Variants in KLHL9 observed in about 807,000 individuals in gnomAD.
KLHL9 encodes kelch-like protein 9.
KLHL9 carries 27 observed loss-of-function variants against 42.3 expected under a neutral mutation model. The observed-to-expected ratio is 0.64, with a 90% confidence interval of 0.47 to 0.88. The LOEUF is 0.88. KLHL9 is among the 40% of genes least tolerant of loss of function. KLHL9 has a pLI of 0.00. For missense variants in KLHL9, 629 were observed against 750.3 expected (o/e 0.84, Z 1.89); for synonymous variants, 274 against 254.4 (o/e 1.08, Z -0.73).
rs10642262 is a variant in KLHL9 at position 21,331,494 on chromosome 9, T to TTGTG, written c.*1508_*1511dup. The TTGTG allele has an allele frequency of 4.2e-4, 64 of 150,860 alleles. No individual in the cohort carries two copies. The highest frequency in any genetic ancestry group is 2.7e-3 in the East Asian group (14 of 5,096). 9.3% of individuals were successfully genotyped at this position (150,860 alleles called of 1,614,324 possible). On this transcript the variant is annotated 3_prime_UTR_variant, in exon 1 of 1. Coordinates refer to ENST00000359039, the MANE Select transcript of KLHL9 (RefSeq NM_018847.4). Reference sequence around the variant, plus strand: ...CTGACAATCTTCCAGGTATAGGGGGTTGTGTGTGTGTATTACACACACACA... The same window carrying TTGTG: ...CTGACAATCTTCCAGGTATAGGGGGTTGTGTGTGTGTGTGTATTACACACACACA...
In KLHL9 at chr9:21,335,018, T is replaced by C. The variant is rs779259574; in HGVS notation, c.-159A>G. 5 of 984,708 alleles carry C rather than the reference T, an allele frequency of 5.1e-6. No individual in the cohort carries two copies. In the East Asian group the frequency reaches 1.3e-4, roughly 26 times the overall value. 61.0% of individuals were successfully genotyped at this position (984,708 alleles called of 1,614,324 possible). A position where few individuals can be genotyped will look rare whatever the true frequency, so the allele number is the denominator to read the frequency against. ...CCCCTCGGGCCACGCCAGTCAGTCA[T>C]CCACTGAAAATCACCCTGTAGCAGG... On this transcript the variant is annotated 5_prime_UTR_variant, in exon 1 of 1. The change abolishes an upstream ATG in the 5' untranslated region. Transcript: ENST00000359039.
In KLHL9 at chr9:21,333,218, A is replaced by T. The variant is rs1820205452; in HGVS notation, c.1642T>A (p.Tyr548Asn). 6.2e-7 allele frequency: 1 copy of T among 1,613,580 alleles called. No individual in the cohort carries two copies. Among genetic ancestry groups the T allele is most frequent in the Non-Finnish European group, 8.5e-7 (1 of 1,179,624 alleles). The stretch of plus-strand genomic sequence containing the variant: ...TTCCAAGAATATCCACCAACAACAT[A>T]GATTTTATTTTCAAAGACGGCAACT... ...VGVAVFENKI[Y>N]VVGGYSWNNR... Residue 548 changes from tyrosine to asparagine, a missense_variant, in exon 1 of 1, where the codon TAT (tyrosine) becomes AAT (asparagine). Physicochemically the swap from Tyr to Asn is moderately radical, Grantham distance 143 (BLOSUM62 -2). This residue lies in a region of KLHL9 where 214 missense variants were observed against 305.8 expected (regional missense o/e 0.70). Transcript: ENST00000359039. This position sits in a 1 kb window ranked among gnomAD's most constrained non-coding sequence, Gnocchi z 7.5.
Position 21,333,084 on chromosome 9 carries a change from G to A in KLHL9, c.1776C>T (p.Leu592=). Residue 592 remains leucine (L), a synonymous_variant, in exon 1 of 1, where the codon CTC becomes CTT. Transcript: ENST00000359039. The surrounding 1 kb of genome is among the most constrained non-coding windows in gnomAD (Gnocchi z 7.5). ...GGTTTTCTTCAGGTGGAAAAACTGT[G>A]AGTGTACAGGCTCGAATGCCACCAA... The part of the protein sequence containing the change: ...ESLGGIRACT[L]TVFPPEENPG... The A allele has an allele frequency of 6.2e-7, 1 of 1,614,172 alleles. No homozygotes were observed. Among genetic ancestry groups the A allele is most frequent in the South Asian group, 1.1e-5 (1 of 91,078 alleles).
In KLHL9 at chr9:21,333,680, A is replaced by G. The variant is rs779305744; in HGVS notation, c.1180T>C (p.Leu394=). Residue 394 remains leucine (L), a synonymous_variant, in exon 1 of 1, where the codon TTG becomes CTG. Transcript: ENST00000359039. The surrounding 1 kb of genome is among the most constrained non-coding windows in gnomAD (Gnocchi z 7.5). ...TACAAATGTCCTTTGAGGGCACTCA[A>G]GTGAAAGAATGTGCGCTTTTCATTT... ...SLNEKRTFFH[L]SALKGHLYAV... The G allele has an allele frequency of 1.2e-6, 2 of 1,614,230 alleles. No individual in the cohort carries two copies. Among genetic ancestry groups the G allele is most frequent in the Non-Finnish European group, 1.7e-6 (2 of 1,180,052 alleles).
chr9:21,334,951 G>C lies in KLHL9; in HGVS notation c.-92C>G. ...GGTAACGAGGTGTCCAGAAAGAACA[G>C]AAAGCTCGTTTCCTTATCAAGGGAA... On this transcript the variant is annotated 5_prime_UTR_variant, in exon 1 of 1. Coordinates refer to ENST00000359039, the MANE Select transcript of KLHL9 (RefSeq NM_018847.4). The surrounding 1 kb of genome is among the most constrained non-coding windows in gnomAD (Gnocchi z 5.1). 6.4e-7 allele frequency: 1 copy of C among 1,554,792 alleles called. No homozygotes were observed. The highest frequency in any genetic ancestry group is 2.3e-5 in the East Asian group (1 of 43,482).
rs752631175 is a variant in KLHL9 at position 21,333,219 on chromosome 9, GATTTT to G, written c.1636_1640del (p.Lys546LeufsTer10). On this transcript the variant is annotated frameshift_variant, in exon 1 of 1. Transcript: ENST00000359039. LOFTEE classifies it high-confidence loss of function. The surrounding 1 kb of genome is among the most constrained non-coding windows in gnomAD (Gnocchi z 7.5). ...TCCAAGAATATCCACCAACAACATA[GATTTT>G]ATTTTCAAAGACGGCAACTCCAACA... 1 of 1,613,660 alleles carries G rather than the reference GATTTT, an allele frequency of 6.2e-7. No individual in the cohort carries two copies. Among genetic ancestry groups the G allele is most frequent in the East Asian group, 2.2e-5 (1 of 44,878 alleles).
chr9:21,333,361 C>G lies in KLHL9; in HGVS notation c.1499G>C (p.Gly500Ala), dbSNP rs1820208358. Residue 500 changes from glycine (G) to alanine (A), a missense_variant, in exon 1 of 1, where the codon GGC (glycine) becomes GCC (alanine). Coordinates refer to ENST00000359039, the MANE Select transcript of KLHL9 (RefSeq NM_018847.4). The surrounding 1 kb of genome is among the most constrained non-coding windows in gnomAD (Gnocchi z 7.5). Reference protein sequence around the residue: ...TVGDKLYVIGGNHFRGTSDYD... With the variant: ...TVGDKLYVIGANHFRGTSDYD... The stretch of plus-strand genomic sequence containing the variant: ...ATCACTTGTTCCTCTGAAGTGATTG[C>G]CACCAATGACATAGAGCTTATCTCC... 2 of 1,614,174 alleles carry G rather than the reference C, an allele frequency of 1.2e-6. No individual in the cohort carries two copies. The highest frequency in any genetic ancestry group is 1.7e-6 in the Non-Finnish European group (2 of 1,180,030).
rs1056172036 is a variant in KLHL9 at position 21,335,334 on chromosome 9, T to TTGGGCC, written c.-481_-476dup. ...CGGGAACACAGGCCTGGGCCTGGGC[T>TTGGGCC]TGGGCCTAGAATACCGGCCTAGCCC... On this transcript the variant is annotated 5_prime_UTR_variant, in exon 1 of 1. Transcript: ENST00000359039. The TTGGGCC allele has an allele frequency of 1.0e-5, 4 of 399,036 alleles. No individual in the cohort carries two copies. Among genetic ancestry groups the TTGGGCC allele is most frequent in the East Asian group, 3.5e-5 (1 of 28,610 alleles). The allele number at this position is 399,036 out of a possible 1,614,324, so 24.7% of individuals were successfully genotyped here.
In KLHL9 at chr9:21,335,076, A is replaced by C. The variant is rs1820245838; in HGVS notation, c.-217T>G. 3.3e-6 allele frequency: 2 copies of C among 608,586 alleles called. No individual in the cohort carries two copies. Among genetic ancestry groups the C allele is most frequent in the Admixed American group, 6.5e-5 (2 of 30,574 alleles). 37.7% of individuals were successfully genotyped at this position (608,586 alleles called of 1,614,324 possible). ...AGGGCTGTGGACCTCAAATCTGATT[A>C]TTAGACAGATGATTCATCACCTGAA... On this transcript the variant is annotated 5_prime_UTR_variant, in exon 1 of 1. Coordinates refer to ENST00000359039, the MANE Select transcript of KLHL9 (RefSeq NM_018847.4).
chr9:21,332,960 G>A lies in KLHL9; in HGVS notation c.*46C>T, dbSNP rs766902481. The A allele has an allele frequency of 2.5e-6, 4 of 1,612,942 alleles. No individual in the cohort carries two copies. In the African/African-American group the frequency reaches 5.3e-5, roughly 22 times the overall value. On this transcript the variant is annotated 3_prime_UTR_variant, in exon 1 of 1. Coordinates refer to ENST00000359039, the MANE Select transcript of KLHL9 (RefSeq NM_018847.4). ...GTAAGAAGATACAACTGAAGGGGAA[G>A]TATTAGATCACCCATGACGTACTGC...
Position 21,333,906 on chromosome 9 carries a change from C to A in KLHL9, c.954G>T (p.Arg318=). 6.2e-7 allele frequency: 1 copy of A among 1,614,104 alleles called. No individual in the cohort carries two copies. Among genetic ancestry groups the A allele is most frequent in the Non-Finnish European group, 8.5e-7 (1 of 1,180,052 alleles). ...ATTCTTGTGCCCTTTCATCATACAT[C>A]CGTAATTCTTTACTGACAACCAGCT... ...RQQLVVSKEL[R]MYDERAQEWR... The change falls in exon 1 of 1, where the codon CGG becomes CGT. Residue 318 remains arginine (R), a synonymous_variant. Coordinates refer to ENST00000359039, the MANE Select transcript of KLHL9 (RefSeq NM_018847.4). The surrounding 1 kb of genome is among the most constrained non-coding windows in gnomAD (Gnocchi z 7.5).
In KLHL9 at chr9:21,332,957, G is replaced by A. The variant is rs114075268; in HGVS notation, c.*49C>T. 1 of 1,612,482 alleles carries A rather than the reference G, an allele frequency of 6.2e-7. No homozygotes were observed. Among genetic ancestry groups the A allele is most frequent in the East Asian group, 2.2e-5 (1 of 44,848 alleles). The stretch of plus-strand genomic sequence containing the variant: ...ACTGTAAGAAGATACAACTGAAGGG[G>A]AAGTATTAGATCACCCATGACGTAC... On this transcript the variant is annotated 3_prime_UTR_variant, in exon 1 of 1. Transcript: ENST00000359039.
Position 21,334,102 on chromosome 9 carries a change from T to G in KLHL9, c.758A>C (p.Tyr253Ser). 1 of 1,614,160 alleles carries G rather than the reference T, an allele frequency of 6.2e-7. No individual in the cohort carries two copies. Among genetic ancestry groups the G allele is most frequent in the Non-Finnish European group, 8.5e-7 (1 of 1,179,988 alleles). ...TCTCATGAAATCTACTGTCTGCACG[T>G]AATTGATGAGATCCTGTGGTGTCAT... ...PLMTPQDLIN[Y>S]VQTVDFMRTD... Residue 253 changes from tyrosine (Y) to serine (S), a missense_variant, in exon 1 of 1, where the codon TAC (tyrosine) becomes TCC (serine). Tyr to Ser is a moderately radical substitution (Grantham distance 144). Coordinates refer to ENST00000359039, the MANE Select transcript of KLHL9 (RefSeq NM_018847.4). This position sits in a 1 kb window ranked among gnomAD's most constrained non-coding sequence, Gnocchi z 5.1.
In KLHL9 at chr9:21,334,569, C is replaced by T. The variant is rs761517074; in HGVS notation, c.291G>A (p.Gly97=). 6 of 1,614,114 alleles carry T rather than the reference C, an allele frequency of 3.7e-6. No homozygotes were observed. Among genetic ancestry groups the T allele is most frequent in the Middle Eastern group, 1.6e-4 (1 of 6,062 alleles). ...EQDLMCIKLH[G]VNKVGLKKII... ...TTTTCTTCAGACCAACCTTGTTCAC[C>T]CCATGAAGCTTAATGCACATCAAAT... is the stretch of plus-strand genomic sequence containing the variant. Residue 97 remains glycine (G), a synonymous_variant, in exon 1 of 1, where the codon GGG becomes GGA. Coordinates refer to ENST00000359039, the MANE Select transcript of KLHL9 (RefSeq NM_018847.4). This position sits in a 1 kb window ranked among gnomAD's most constrained non-coding sequence, Gnocchi z 5.1.
chr9:21,331,815 G>A lies in KLHL9; in HGVS notation c.*1191C>T, dbSNP rs953476406. The A allele has an allele frequency of 1.3e-5, 2 of 152,472 alleles. No homozygotes were observed. The highest frequency in any genetic ancestry group is 2.4e-5 in the African/African-American group (1 of 41,402). The allele number at this position is 152,472 out of a possible 1,614,324, so 9.4% of individuals were successfully genotyped here. Reference sequence around the variant, plus strand: ...GCCAAAAGCACATTTTTCCTCACTTGATGCAGAAGAAAATGTTATCTCCTG... The same window carrying A: ...GCCAAAAGCACATTTTTCCTCACTTAATGCAGAAGAAAATGTTATCTCCTG... On this transcript the variant is annotated 3_prime_UTR_variant, in exon 1 of 1. Transcript: ENST00000359039.
chr9:21,334,999 G>A lies in KLHL9; in HGVS notation c.-140C>T, dbSNP rs41270135. 0.041 allele frequency: 49,618 copies of A among 1,223,668 alleles called. 1,127 individuals are homozygous for A. Among genetic ancestry groups the A allele is most frequent in the Middle Eastern group, 0.07 (262 of 3,748 alleles). The allele number at this position is 1,223,668 out of a possible 1,614,324, so 75.8% of individuals were successfully genotyped here. Reference sequence around the variant, plus strand: ...GAAGGCAGTCACTGCGGCACCCCTCGGGCCACGCCAGTCAGTCATCCACTG... The same window carrying A: ...GAAGGCAGTCACTGCGGCACCCCTCAGGCCACGCCAGTCAGTCATCCACTG... On this transcript the variant is annotated 5_prime_UTR_variant, in exon 1 of 1. Transcript: ENST00000359039. This position sits in a 1 kb window ranked among gnomAD's most constrained non-coding sequence, Gnocchi z 5.1.
Position 21,333,939 on chromosome 9 carries a change from C to CA in KLHL9, c.920dup (p.Leu307PhefsTer9), listed in dbSNP as rs1232001534. 6.2e-7 allele frequency: 1 copy of CA among 1,614,200 alleles called. No homozygotes were observed. Among genetic ancestry groups the CA allele is most frequent in the South Asian group, 1.1e-5 (1 of 91,078 alleles). The stretch of plus-strand genomic sequence containing the variant: ...CTTTACTGACAACCAGCTGCTGCCT[C>CA]AAAACTCCTCCTAATGTAACCAAGT... On this transcript the variant is annotated frameshift_variant, in exon 1 of 1. Transcript: ENST00000359039. LOFTEE classifies it high-confidence loss of function. The surrounding 1 kb of genome is among the most constrained non-coding windows in gnomAD (Gnocchi z 7.5).
Position 21,331,693 on chromosome 9 carries a change from G to A in KLHL9, c.*1313C>T, listed in dbSNP as rs1820174035. ...ATACCTTTGGCATTGAAGAGGCTGAGGGTTGATTTTAGTACTGCTTGTAAG... is the reference window on the plus strand; with the variant it reads ...ATACCTTTGGCATTGAAGAGGCTGAAGGTTGATTTTAGTACTGCTTGTAAG... On this transcript the variant is annotated 3_prime_UTR_variant, in exon 1 of 1. Transcript: ENST00000359039. 6.6e-6 allele frequency: 1 copy of A among 152,302 alleles called. No individual in the cohort carries two copies. 9.4% of individuals were successfully genotyped at this position (152,302 alleles called of 1,614,324 possible). A position where few individuals can be genotyped will look rare whatever the true frequency, so the allele number is the denominator to read the frequency against.
Position 21,332,161 on chromosome 9 carries a change from T to C in KLHL9, c.*845A>G, listed in dbSNP as rs1820182463. On this transcript the variant is annotated 3_prime_UTR_variant, in exon 1 of 1. Transcript: ENST00000359039. Reference sequence around the variant, plus strand: ...AGAAAACAGTAATGTAAGCTTCATCTGAAGTAACGGTTTAGTCACATGACA... The same window carrying C: ...AGAAAACAGTAATGTAAGCTTCATCCGAAGTAACGGTTTAGTCACATGACA... 1 of 152,638 alleles carries C rather than the reference T, an allele frequency of 6.6e-6. No homozygotes were observed. The highest frequency in any genetic ancestry group is 2.4e-5 in the African/African-American group (1 of 41,448). The allele number at this position is 152,638 out of a possible 1,614,324, so 9.5% of individuals were successfully genotyped here.
Sources: allele counts gnomAD v4.1 joint callset, GRCh38; gene constraint gnomAD v4.1.1; regional missense constraint gnomAD v4.1.1; non-coding constraint Gnocchi (gnomAD v3.1); transcripts MANE v1.5; gene names NCBI Gene and HGNC (gene_info 2026-07-23, HGNC 2026-07-21).